The following AGAP1 variants were observed in gnomAD, a reference collection of about 807,000 sequenced individuals.
AGAP1 encodes ArfGAP with GTPase domain, ankyrin repeat and PH domain 1.
A neutral mutation model predicts 105.3 loss-of-function variants in AGAP1; 29 were observed. The observed-to-expected ratio is 0.28, with a 90% confidence interval of 0.21 to 0.38. The LOEUF (loss-of-function observed/expected upper bound fraction) is 0.38, where lower values mean the gene tolerates loss of function less well. Ranked by LOEUF, AGAP1 falls within the 10% of genes least tolerant of loss-of-function variation. The probability of loss-of-function intolerance (pLI) is 1.00; values close to 1 mark genes in which losing one functional copy is unlikely to be tolerated. For missense variants in AGAP1, 998 were observed against 1,165.1 expected (o/e 0.86, Z 2.09); for synonymous variants, 509 against 485.9 (o/e 1.05, Z -0.63).
chr2:235,678,625 A>G (rs1055593473), intron 1 of AGAP1, among the ~76,000 whole-genome samples: 1 of 152,038 alleles, frequency 6.6e-6, no homozygotes, highest in Admixed American at 6.6e-5. Flanking sequence ...TTCAGGATCT[A>G]GGATTTGATT....
chr2:236,043,049 C>T (rs574377622), intron 15 of AGAP1, among the ~76,000 whole-genome samples: 1 of 152,302 alleles, frequency 6.6e-6, no homozygotes, highest in East Asian at 1.9e-4. Context: ...ATCTGTTGTC[C>T]AGCCTGCTGT....
rs1432257605 is a variant in AGAP1, at chr2:235,691,695, G to C, written c.164-17484G>C. On this transcript the variant is annotated intron_variant, in intron 1 of 17. Transcript: ENST00000304032. This position sits in a 1 kb window ranked among gnomAD's most constrained non-coding sequence, Gnocchi z 4.4. ...CACATCTGCAGAAGGCTGCAAGCTGGGGAACTGAGGGGCCTCTTGGTCTGG... is the reference window on the plus strand; with the variant it reads ...CACATCTGCAGAAGGCTGCAAGCTGCGGAACTGAGGGGCCTCTTGGTCTGG... Among the ~76,000 whole-genome samples the C allele has an allele frequency of 2.0e-5, 3 of 152,210 alleles. No individual in the cohort carries two copies. The highest frequency in any genetic ancestry group is 4.4e-5 in the Non-Finnish European group (3 of 68,032).
chr2:235,883,534 C>T lies in AGAP1; in HGVS notation c.1155+85C>T. On this transcript the variant is annotated intron_variant, in intron 10 of 17. Coordinates refer to ENST00000304032, the MANE Select transcript of AGAP1 (RefSeq NM_001037131.3). The surrounding 1 kb of genome is among the most constrained non-coding windows in gnomAD (Gnocchi z 4.5). Reference sequence around the variant, plus strand: ...AAGGGGAACCTACCAGCAGCCCAGCCTCTTGTCTCTGTTTGAAGTGAAAGT... The same window carrying T: ...AAGGGGAACCTACCAGCAGCCCAGCTTCTTGTCTCTGTTTGAAGTGAAAGT... 1.8e-6 allele frequency: 2 copies of T among 1,099,550 alleles called. No homozygotes were observed. The highest frequency in any genetic ancestry group is 1.6e-5 in the African/African-American group (1 of 63,520). 68.1% of individuals were successfully genotyped at this position (1,099,550 alleles called of 1,614,324 possible). A position where few individuals can be genotyped will look rare whatever the true frequency, so the allele number is the denominator to read the frequency against.
chr2:235,550,156 C>G lies in AGAP1; in HGVS notation c.163+55307C>G, dbSNP rs1943758512. On this transcript the variant is annotated intron_variant, in intron 1 of 17. Transcript: ENST00000304032. The surrounding 1 kb of genome is among the most constrained non-coding windows in gnomAD (Gnocchi z 4.6). ...GCAGAACCATCATCCTGCGTGCAGC[C>G]TGCACACTCCCAGCACCCGTGGCAG... Among the ~76,000 whole-genome samples the G allele has an allele frequency of 6.6e-6, 1 of 152,214 alleles. No individual in the cohort carries two copies. Among genetic ancestry groups the G allele is most frequent in the African/African-American group, 2.4e-5 (1 of 41,448 alleles).
rs531912614 is a variant in AGAP1 at position 236,082,737 on chromosome 2, G to A, written c.2114+33456G>A. Among the ~76,000 whole-genome samples, 1 of 152,242 alleles carries A rather than the reference G, an allele frequency of 6.6e-6. No homozygotes were observed. Among genetic ancestry groups the A allele is most frequent in the Non-Finnish European group, 1.5e-5 (1 of 68,038 alleles). On this transcript the variant is annotated intron_variant, in intron 16 of 17. Coordinates refer to ENST00000304032, the MANE Select transcript of AGAP1 (RefSeq NM_001037131.3). This position sits in a 1 kb window ranked among gnomAD's most constrained non-coding sequence, Gnocchi z 4.2. ...AAAAATACAAAAATTAGCCTGGCGC[G>A]GTGGCAGGCACCTATGATCCCAGCT... is the stretch of plus-strand genomic sequence containing the variant.
intron 13 of AGAP1, among the ~76,000 whole-genome samples, chr2:235,978,034 G>A (rs1259563613): frequency 6.6e-6 from 1 of 152,046 alleles, no homozygotes; most frequent in Non-Finnish European, 1.5e-5. Context: ...CTTCTGTGGT[G>A]TGCACACACA....
intron 11 of AGAP1, among the ~76,000 whole-genome samples, chr2:235,924,442 G>A (rs963997960): frequency 9.2e-5 from 14 of 152,026 alleles, no homozygotes; most frequent in Non-Finnish European, 4.4e-5. Context: ...TTCCTTCATT[G>A]TGCCCAATGC....
intron 10 of AGAP1, among the ~76,000 whole-genome samples, chr2:235,898,748 T>A (rs2050927317): frequency 6.6e-6 from 1 of 152,136 alleles, no homozygotes; most frequent in African/African-American, 2.4e-5. Context: ...TAGAACTGTT[T>A]TTAAAGATGT....
At chr2:235,512,741 A>C (rs1486324786) in intron 1 of AGAP1, among the ~76,000 whole-genome samples, 1 of 152,140 alleles carries the variant, frequency 6.6e-6, no homozygotes, top group Non-Finnish European at 1.5e-5. Context: ...TGGGCCTCCC[A>C]CCCTGCCTGC....
At position 236,002,403 on chromosome 2, in the gene AGAP1, G is replaced by C. The variant is rs2056160464; in HGVS notation, c.1645+33780G>C. Reference sequence around the variant, plus strand: ...CTTTCCCATCCTCACTCTCTTCCAAGTATCTGATTGCACGCATGTGCACAT... The same window carrying C: ...CTTTCCCATCCTCACTCTCTTCCAACTATCTGATTGCACGCATGTGCACAT... On this transcript the variant is annotated intron_variant, in intron 13 of 17. Coordinates refer to ENST00000304032, the MANE Select transcript of AGAP1 (RefSeq NM_001037131.3). This position sits in a 1 kb window ranked among gnomAD's most constrained non-coding sequence, Gnocchi z 4.3. 6.6e-6 allele frequency among the ~76,000 whole-genome samples: 1 copy of C among 152,156 alleles called. No homozygotes were observed. Among genetic ancestry groups the C allele is most frequent in the South Asian group, 2.1e-4 (1 of 4,828 alleles).
chr2:235,613,321 T>G (rs1020805174), intron 1 of AGAP1, among the ~76,000 whole-genome samples: 1 of 152,230 alleles, frequency 6.6e-6, no homozygotes, highest in African/African-American at 2.4e-5. Flanking sequence ...TACCTGAGAT[T>G]TTTGAGGCAA....
intron 3 of AGAP1, among the ~76,000 whole-genome samples, chr2:235,730,833 T>C (rs903095401): frequency 1.3e-5 from 2 of 152,120 alleles, no homozygotes; most frequent in African/African-American, 4.8e-5. Context: ...AGTTTACTTA[T>C]TTGGTTATGT....
rs1408305130 is a variant in AGAP1, at chr2:235,660,153, G to T, written c.164-49026G>T. ...GGGAGGGAGGGACAGGCTTTCTCAG[G>T]GGGGCGGCCACCCAAGATCAGCTGC... On this transcript the variant is annotated intron_variant, in intron 1 of 17. Transcript: ENST00000304032. This position sits in a 1 kb window ranked among gnomAD's most constrained non-coding sequence, Gnocchi z 5.3. Among the ~76,000 whole-genome samples, 1 of 152,160 alleles carries T rather than the reference G, an allele frequency of 6.6e-6. No homozygotes were observed. The highest frequency in any genetic ancestry group is 1.5e-5 in the Non-Finnish European group (1 of 68,034).
chr2:235,856,756 C>T (rs1447628116), intron 9 of AGAP1, among the ~76,000 whole-genome samples: 2 of 152,230 alleles, frequency 1.3e-5, no homozygotes, highest in African/African-American at 4.8e-5. Flanking sequence ...TGTAGGACAA[C>T]CACCATAAAT....
At chr2:236,081,413 G>A (rs3768939) in intron 16 of AGAP1, among the ~76,000 whole-genome samples, 37,805 of 152,064 alleles carry the variant, frequency 0.25, 5,259 homozygotes, top group East Asian at 0.35. Context: ...GCATTTGGAC[G>A]GACACTTTGT....
rs73999014 is a variant in AGAP1, at chr2:235,639,908, A to G, written c.164-69271A>G. Among the ~76,000 whole-genome samples, 5,493 of 152,204 alleles carry G rather than the reference A, an allele frequency of 0.036. 274 individuals carry two copies. Among genetic ancestry groups the G allele is most frequent in the African/African-American group, 0.11 (4,617 of 41,520 alleles). The stretch of plus-strand genomic sequence containing the variant: ...AGGGATGGACAGTTTCCCCTTCAGC[A>G]CCTTTATAGTTGTAATTTGCCCATG... On this transcript the variant is annotated intron_variant, in intron 1 of 17. Transcript: ENST00000304032. The surrounding 1 kb of genome is among the most constrained non-coding windows in gnomAD (Gnocchi z 5.3).
rs566648997 is a variant in AGAP1 at position 235,842,523 on chromosome 2, G to A, written c.1050+35192G>A. Among the ~76,000 whole-genome samples, 16 of 152,270 alleles carry A rather than the reference G, an allele frequency of 1.1e-4. No individual in the cohort carries two copies. The highest frequency in any genetic ancestry group is 2.6e-4 in the African/African-American group (11 of 41,566). On this transcript the variant is annotated intron_variant, in intron 9 of 17. Transcript: ENST00000304032. This position sits in a 1 kb window ranked among gnomAD's most constrained non-coding sequence, Gnocchi z 5.3. ...GTGTGCTTATTACCCAGCCACAGGC[G>A]TTGCTTATATTTTGGTGACTGTATT...
chr2:236,053,085 C>T lies in AGAP1; in HGVS notation c.2114+3804C>T, dbSNP rs773435894. Among the ~76,000 whole-genome samples, 2 of 152,146 alleles carry T rather than the reference C, an allele frequency of 1.3e-5. No individual in the cohort carries two copies. The highest frequency in any genetic ancestry group is 1.5e-5 in the Non-Finnish European group (1 of 68,042). ...CATAACGTAGCGTGTTGTAGGGCGTCGAGCAGCTGGGCCGGGGGCCACCAG... is the reference window on the plus strand; with the variant it reads ...CATAACGTAGCGTGTTGTAGGGCGTTGAGCAGCTGGGCCGGGGGCCACCAG... On this transcript the variant is annotated intron_variant, in intron 16 of 17. Transcript: ENST00000304032. This position sits in a 1 kb window ranked among gnomAD's most constrained non-coding sequence, Gnocchi z 4.6.
rs1261603561 is a variant in AGAP1, at chr2:235,517,330, A to C, written c.163+22481A>C. Among the ~76,000 whole-genome samples, 1 of 152,178 alleles carries C rather than the reference A, an allele frequency of 6.6e-6. No homozygotes were observed. Among genetic ancestry groups the C allele is most frequent in the Non-Finnish European group, 1.5e-5 (1 of 68,044 alleles). ...GCCTCTGCAGAGGAATTTGGGGGAT[A>C]CTGCGCAGTCCGTACAGCATCCCTC... On this transcript the variant is annotated intron_variant, in intron 1 of 17. Coordinates refer to ENST00000304032, the MANE Select transcript of AGAP1 (RefSeq NM_001037131.3). This position sits in a 1 kb window ranked among gnomAD's most constrained non-coding sequence, Gnocchi z 4.1.
Sources: gnomAD v4.1 joint callset for allele counts (sites outside exome capture counted in the v4.1 genomes callset) on GRCh38, gnomAD v4.1.1 for gene constraint, Gnocchi (gnomAD v3.1) non-coding constraint, MANE v1.5 for transcripts, NCBI Gene and HGNC (gene_info 2026-07-23, HGNC 2026-07-21) for gene names.